RGPD1: variants seen among roughly 807,000 people sequenced by gnomAD.
RGPD1 encodes RANBP2-like and GRIP domain-containing protein 1.
In RGPD1, 7 loss-of-function variants were observed where a neutral mutation model predicts 40.6. That is an observed-to-expected ratio of 0.17 (90% CI 0.10 to 0.32). The LOEUF (loss-of-function observed/expected upper bound fraction) is 0.32, where lower values mean the gene tolerates loss of function less well. Ranked by LOEUF, RGPD1 falls within the 10% of genes least tolerant of loss-of-function variation. RGPD1 has a pLI of 1.00. For missense variants in RGPD1, 50 were observed against 472.5 expected (o/e 0.11, Z 8.29); for synonymous variants, 24 against 167.0 (o/e 0.14, Z 6.60).
At chr2:86,934,701 A>C (rs1415383372) in intron 1 of RGPD1, 15 of 206,276 alleles carry the variant, frequency 7.3e-5, no homozygotes, top group Non-Finnish European at 8.8e-5. Flanking sequence ...AGCAGGTTTC[A>C]GCCAGGCTCT....
At position 86,914,109 on chromosome 2, in the gene RGPD1, CGGCCTCGGCCCCGGCCTGGCCG is replaced by C. The variant is rs1436446134; in HGVS notation, c.72+192_72+213del. 8.4e-5 allele frequency among the ~76,000 whole-genome samples: 7 copies of C among 82,930 alleles called. 1 individual carries two copies. The highest frequency in any genetic ancestry group is 4.7e-4 in the African/African-American group (7 of 14,996). 54.4% of individuals were successfully genotyped at this position (82,930 alleles called of 152,430 possible). The stretch of plus-strand genomic sequence containing the variant: ...GCGGCGGCGGCGGCGGCGGCGGCGG[CGGCCTCGGCCCCGGCCTGGCCG>C]GGCGGCGGCGGCGGCGGCGGCGGCG... On this transcript the variant is annotated intron_variant, in intron 1 of 22. Coordinates refer to the RGPD1 transcript ENST00000398193.
intron 1 of RGPD1, among the ~76,000 whole-genome samples, chr2:86,929,360 A>T (rs1022771618): frequency 1.3e-5 from 2 of 151,832 alleles, no homozygotes; most frequent in African/African-American, 4.8e-5. Context: ...TTGTGCATTG[A>T]TGCCCCCGGA....
upstream of RGPD1, among the ~76,000 whole-genome samples, chr2:86,938,800 G>A (rs1428013722): frequency 2.2e-5 from 3 of 138,718 alleles, no homozygotes; most frequent in African/African-American, 8.1e-5. Context: ...AGTGAGACCT[G>A]GCCTGCCACA....
rs1573563784 is a variant in RGPD1 at position 86,919,894 on chromosome 2, C to T, written c.72+5973C>T. 6.8e-5 allele frequency among the ~76,000 whole-genome samples: 10 copies of T among 146,400 alleles called. No individual in the cohort carries two copies. In the South Asian group the frequency reaches 2.2e-3, roughly 32 times the overall value. On this transcript the variant is annotated intron_variant, in intron 1 of 22. Coordinates refer to the RGPD1 transcript ENST00000398193. ...GTTTACTACTCTCTCTCTCCAGGAC[C>T]TGTGGTATTGCCTGGCATAGAAGGA...
At chr2:86,942,828 G>T (rs1163643307) in intron 1 of RGPD1, among the ~76,000 whole-genome samples, 1 of 151,982 alleles carries the variant, frequency 6.6e-6, no homozygotes, top group Admixed American at 6.5e-5. Context: ...GCTTGCAAGC[G>T]CAGGAAGAGT....
chr2:86,924,658 G>A (rs1573570776), intron 1 of RGPD1, among the ~76,000 whole-genome samples: 2 of 151,264 alleles, frequency 1.3e-5, no homozygotes, highest in Admixed American at 1.3e-4. Context: ...GCAGAGACAA[G>A]GTCTTACTAT....
At chr2:86,943,240 A>G (rs1406080724) in intron 1 of RGPD1, among the ~76,000 whole-genome samples, 1 of 147,686 alleles carries the variant, frequency 6.8e-6, no homozygotes, top group Non-Finnish European at 1.5e-5. Flanking sequence ...GTCCCTTTAT[A>G]AGGGTCCAAC....
chr2:86,945,939 TTC>T (rs1680322163), intron 1 of RGPD1, among the ~76,000 whole-genome samples: 1 of 127,042 alleles, frequency 7.9e-6, no homozygotes, highest in African/African-American at 2.9e-5. Flanking sequence ...TCCAGATGGC[TTC>T]TGTTTAGTTT....
At chr2:86,925,608 A>C (rs1219575429) in intron 1 of RGPD1, among the ~76,000 whole-genome samples, 1 of 152,236 alleles carries the variant, frequency 6.6e-6, no homozygotes, top group Admixed American at 6.5e-5. Flanking sequence ...ATTAAGGCAT[A>C]TTGTATATAC....
At chr2:86,931,339 T>A (rs1325321535) in intron 1 of RGPD1, among the ~76,000 whole-genome samples, 1 of 151,652 alleles carries the variant, frequency 6.6e-6, no homozygotes, top group Non-Finnish European at 1.5e-5. Context: ...AATTTAGTCC[T>A]ATCTTTTACT....
chr2:87,000,726 A>G (rs1681956179), intron 22 of RGPD1, among the ~76,000 whole-genome samples: 1 of 30,762 alleles, frequency 3.3e-5, no homozygotes, highest in Non-Finnish European at 5.6e-5. Flanking sequence ...TGAGGAGGGT[A>G]GATCACCTGA....
intron 1 of RGPD1, among the ~76,000 whole-genome samples, chr2:86,923,130 C>T (rs1311697769): frequency 6.8e-6 from 1 of 146,500 alleles, no homozygotes; most frequent in Non-Finnish European, 1.5e-5. Context: ...TCTCCGCCTC[C>T]CAGGTTCAAG....
At chr2:86,931,773 A>G (rs1404529107) in intron 1 of RGPD1, among the ~76,000 whole-genome samples, 15 of 150,476 alleles carry the variant, frequency 1.0e-4, no homozygotes. Flanking sequence ...CTACATAAAA[A>G]TCGATCACAG....
intron 22 of RGPD1, among the ~76,000 whole-genome samples, chr2:87,000,654 AAGAG>A (rs1424688693): frequency 1.2e-5 from 1 of 83,336 alleles, no homozygotes; most frequent in Non-Finnish European, 2.3e-5. Context: ...TTTTCTCTTT[AAGAG>A]AGAGAATGTA....
intron 22 of RGPD1, among the ~76,000 whole-genome samples, chr2:87,000,316 G>T (rs1386763094): frequency 2.3e-5 from 3 of 131,440 alleles, no homozygotes; most frequent in African/African-American, 1.1e-4. Context: ...TCTTTTAAAA[G>T]CTCAGCATGT....
Position 86,942,322 on chromosome 2 carries a change from G to T in RGPD1, c.72+14G>T, listed in dbSNP as rs1230637817. On this transcript the variant is annotated intron_variant, in intron 1 of 22. Transcript: ENST00000641458. The stretch of plus-strand genomic sequence containing the variant: ...TCGCCTGGAAAGGTGAGTGGATCTC[G>T]AAGAGACCGACGGCCTCGACCTGGC... The T allele has an allele frequency of 1.3e-6, 2 of 1,533,600 alleles. No homozygotes were observed. The highest frequency in any genetic ancestry group is 1.8e-6 in the Non-Finnish European group (2 of 1,140,390). 95.0% of individuals were successfully genotyped at this position (1,533,600 alleles called of 1,614,324 possible).
intron 1 of RGPD1, among the ~76,000 whole-genome samples, chr2:86,945,415 C>T (rs1680276372): frequency 6.6e-6 from 1 of 152,138 alleles, no homozygotes; most frequent in Non-Finnish European, 1.5e-5. Context: ...GGAGAAGAGG[C>T]AGTGGCTGTG....
chr2:86,942,929 G>T (rs886589640), intron 1 of RGPD1, among the ~76,000 whole-genome samples: 35 of 152,112 alleles, frequency 2.3e-4, no homozygotes, highest in African/African-American at 8.4e-4. Context: ...TCGTGGGCCC[G>T]CCCTGGCCCG....
At chr2:86,924,933 A>G (rs1678363855) in intron 1 of RGPD1, among the ~76,000 whole-genome samples, 1 of 145,518 alleles carries the variant, frequency 6.9e-6, no homozygotes, top group Non-Finnish European at 1.6e-5. Context: ...GCAACATATT[A>G]TATAGTAAGA....
Sources: allele counts gnomAD v4.1 joint callset (sites outside exome capture counted in the v4.1 genomes callset), GRCh38; gene constraint gnomAD v4.1.1; transcripts MANE v1.5; gene names NCBI Gene and HGNC (gene_info 2026-07-23, HGNC 2026-07-21).